Variants in FHIT observed in about 807,000 individuals in gnomAD.
FHIT encodes the protein fragile histidine triad diadenosine triphosphatase.
A neutral mutation model predicts 17.9 loss-of-function variants in FHIT; 19 were observed. The observed-to-expected ratio is 1.06, with a 90% CI of 0.74 to 1.56. The LOEUF (loss-of-function observed/expected upper bound fraction) is 1.56. Ranked by LOEUF, FHIT falls within the 40% of genes most tolerant of loss-of-function variation. FHIT has a pLI of 0.00. For synonymous variants in FHIT, 81 were observed against 69.7 expected (o/e 1.16, Z -0.81); for missense variants, 248 against 189.2 (o/e 1.31, Z -1.82).
At chr3:60,082,341 T>C (rs958721568) in intron 5 of FHIT, among the ~76,000 whole-genome samples, 1 of 152,146 alleles carries the variant, frequency 6.6e-6, no homozygotes, top group Non-Finnish European at 1.5e-5. Context: ...TTCCACTGTG[T>C]ATGTGTACCG....
rs2042422500 is a variant in FHIT at position 60,749,374 on chromosome 3, C to T, written c.-18+72545G>A. ...AAATAATCTTCAGACCAACTCTGGG[C>T]TTCTGAGTGGGTACCCGACATTACC... On this transcript the variant is annotated intron_variant, in intron 4 of 9. Transcript: ENST00000492590. 3.9e-5 allele frequency among the ~76,000 whole-genome samples: 6 copies of T among 152,094 alleles called. No homozygotes were observed. In the South Asian group the frequency reaches 1.2e-3, roughly 32 times the overall value.
intron 4 of FHIT, among the ~76,000 whole-genome samples, chr3:60,562,079 C>T (rs2036973546): frequency 6.6e-6 from 1 of 152,134 alleles, no homozygotes; most frequent in Non-Finnish European, 1.5e-5. Context: ...ATTTATTCAA[C>T]ATCTACTATG....
At chr3:61,199,890 A>G (rs2038963657) in intron 2 of FHIT, among the ~76,000 whole-genome samples, 1 of 152,230 alleles carries the variant, frequency 6.6e-6, no homozygotes, top group African/African-American at 2.4e-5. Flanking sequence ...AATTCTTTAA[A>G]TTAAAATACT....
intron 1 of FHIT, among the ~76,000 whole-genome samples, chr3:61,210,412 T>C (rs1434558521): frequency 1.3e-5 from 2 of 152,198 alleles, no homozygotes; most frequent in Non-Finnish European, 2.9e-5. Context: ...AGGTGGAGCC[T>C]ACAGAGGCAG....
chr3:60,616,624 C>CAT (rs3037212), intron 4 of FHIT, among the ~76,000 whole-genome samples: 57,303 of 151,746 alleles, frequency 0.38, 11,227 homozygotes, highest in Non-Finnish European at 0.42. Context: ...ATAAATCAAA[C>CAT]GTGAAAGATC....
At chr3:60,296,314 A>C (rs1708206236) in intron 5 of FHIT, among the ~76,000 whole-genome samples, 1 of 152,052 alleles carries the variant, frequency 6.6e-6, no homozygotes, top group East Asian at 1.9e-4. Flanking sequence ...ACACGAAAGG[A>C]ATCATTTTCC....
chr3:60,907,170 G>A (rs1553764773), intron 3 of FHIT, among the ~76,000 whole-genome samples: 2 of 152,090 alleles, frequency 1.3e-5, no homozygotes, highest in Non-Finnish European at 2.9e-5. Flanking sequence ...AAAATGGAGT[G>A]ACCTGAAGAA....
chr3:60,053,921 C>T (rs1701983593), intron 5 of FHIT, among the ~76,000 whole-genome samples: 1 of 152,150 alleles, frequency 6.6e-6, no homozygotes, highest in Admixed American at 6.5e-5. Context: ...TTTCAACATG[C>T]TTATAAATCT....
At chr3:60,231,693 C>G (rs527728779) in intron 5 of FHIT, among the ~76,000 whole-genome samples, 2 of 152,188 alleles carry the variant, frequency 1.3e-5, no homozygotes, top group South Asian at 4.1e-4. Flanking sequence ...CTTTAATTCC[C>G]CCAAACAAGC....
chr3:60,294,804 G>A (rs1362231193), intron 5 of FHIT, among the ~76,000 whole-genome samples: 8 of 152,118 alleles, frequency 5.3e-5, no homozygotes, highest in Admixed American at 5.2e-4. Context: ...ATAACCTTTT[G>A]AAATTGGCTT....
chr3:60,053,366 T>C (rs552115106), intron 5 of FHIT, among the ~76,000 whole-genome samples: 1 of 149,838 alleles, frequency 6.7e-6, no homozygotes, highest in Admixed American at 6.7e-5. Flanking sequence ...CATCTTTGTG[T>C]CCCTAGCCCT....
At chr3:60,752,267 A>G (rs551048772) in intron 4 of FHIT, among the ~76,000 whole-genome samples, 156 of 152,344 alleles carry the variant, frequency 1.0e-3, no homozygotes, top group African/African-American at 3.3e-3. Context: ...TCAAAAAGAA[A>G]GCATACTTCA....
chr3:60,828,081 C>T (rs1553741512), intron 3 of FHIT, among the ~76,000 whole-genome samples: 1 of 152,172 alleles, frequency 6.6e-6, no homozygotes, highest in Non-Finnish European at 1.5e-5. Flanking sequence ...AATCATCAGT[C>T]TTCTCCATGC....
intron 3 of FHIT, among the ~76,000 whole-genome samples, chr3:61,039,089 G>C (rs2033385656): frequency 6.6e-6 from 1 of 152,046 alleles, no homozygotes; most frequent in African/African-American, 2.4e-5. Context: ...TATATATAAA[G>C]TAAAGATTAT....
At chr3:60,027,146 C>CAAAAAAAAAA (rs397947401) in intron 5 of FHIT, among the ~76,000 whole-genome samples, 1 of 122,810 alleles carries the variant, frequency 8.1e-6, no homozygotes, top group Admixed American at 8.9e-5. Flanking sequence ...CACACACACA[C>CAAAAAAAAAA]ACAAAATTAG....
intron 2 of FHIT, among the ~76,000 whole-genome samples, chr3:61,071,867 T>C (rs947459107): frequency 5.3e-5 from 8 of 152,238 alleles, no homozygotes; most frequent in Non-Finnish European, 7.3e-5. Context: ...CTTTGCCTTA[T>C]GTTATCCTAC....
intron 4 of FHIT, among the ~76,000 whole-genome samples, chr3:60,661,296 T>C (rs1190964160): frequency 2.6e-5 from 4 of 152,202 alleles, no homozygotes; most frequent in South Asian, 2.1e-4. Flanking sequence ...AGTGAGAACA[T>C]AGAATATTTG....
chr3:60,472,634 G>T (rs575914876), intron 5 of FHIT, among the ~76,000 whole-genome samples: 1 of 152,276 alleles, frequency 6.6e-6, no homozygotes, highest in South Asian at 2.1e-4. Flanking sequence ...CTCCCAAAGG[G>T]CTGGGATTAC....
chr3:60,617,148 G>A (rs1261121972), intron 4 of FHIT: 1 of 217,250 alleles, frequency 4.6e-6, no homozygotes, highest in Non-Finnish European at 9.9e-6. Flanking sequence ...GCAAAGAAGT[G>A]ATTGTTAGCA....
Sources: gnomAD v4.1 joint callset for allele counts (sites outside exome capture counted in the v4.1 genomes callset) on GRCh38, gnomAD v4.1.1 for gene constraint, MANE v1.5 for transcripts, NCBI Gene and HGNC (gene_info 2026-07-23, HGNC 2026-07-21) for gene names.